FLYWCH1: variants seen among roughly 807,000 people sequenced by gnomAD.
FLYWCH1 encodes FLYWCH-type zinc finger-containing protein 1.
A neutral mutation model predicts 66.4 loss-of-function variants in FLYWCH1; 75 were observed. The ratio of observed to expected loss-of-function variants is 1.13; its 90% CI spans 0.94 to 1.37. FLYWCH1 has a LOEUF of 1.37. Ranked by LOEUF, FLYWCH1 falls within the 40% of genes most tolerant of loss-of-function variation. FLYWCH1 has a pLI of 0.00. For synonymous variants in FLYWCH1, 595 were observed against 429.9 expected (o/e 1.38, Z -4.75); for missense variants, 1,334 against 1,001.8 (o/e 1.33, Z -4.48).
At chr16:2,933,082 G>A in intron 4 of FLYWCH1, 48 bp from the exon 5 acceptor site, 1 of 1,536,522 alleles carries the variant, frequency 6.5e-7, no homozygotes, top group Non-Finnish European at 8.9e-7. Context: ...GTCCCTCCTG[G>A]GCTCCTCTCC....
chr16:2,944,377 A>G (rs887130912), intron 9 of FLYWCH1, among the ~76,000 whole-genome samples: 13 of 148,456 alleles, frequency 8.8e-5, no homozygotes, highest in African/African-American at 3.2e-4. Flanking sequence ...CTGGGTGACA[A>G]GAGTGAAACT....
At chr16:2,916,914 G>T (rs949410413) in intron 2 of FLYWCH1, among the ~76,000 whole-genome samples, 1 of 151,718 alleles carries the variant, frequency 6.6e-6, no homozygotes, top group Non-Finnish European at 1.5e-5. Context: ...GGAGGCCGAG[G>T]GGGGTGGATC....
chr16:2,933,839 T>C lies in FLYWCH1; in HGVS notation c.1373T>C (p.Met458Thr). 1 of 1,600,476 alleles carries C rather than the reference T, an allele frequency of 6.2e-7. No individual in the cohort carries two copies. The highest frequency in any genetic ancestry group is 8.5e-7 in the Non-Finnish European group (1 of 1,174,652). ...TGGACCTGCCGGGACCAGGCCCGCA[T>C]GGGCTGCCGCAGCCGCGCCATCACC... ...VYWTCRDQAR[M>T]GCRSRAITQG... is the part of the protein sequence containing the mutation. The change falls in exon 6 of 10, where the codon ATG becomes ACG. Residue 458 changes from methionine to threonine, a missense_variant. Transcript: ENST00000253928.
Position 2,930,669 on chromosome 16 carries a change from GCCAGAGGGCTTGGGAGAGCC to G in FLYWCH1, c.590_609del (p.Glu197GlyfsTer3). ...GGGAGAAACTGCCCAGCCTGGCCCT[GCCAGAGGGCTTGGGAGAGCC>G]CCAGGGTCCTGAGGGCCCTGGAGGC... On this transcript the variant is annotated frameshift_variant, in exon 4 of 10. Coordinates refer to ENST00000253928, the MANE Select transcript of FLYWCH1 (RefSeq NM_001308068.2). LOFTEE classifies it high-confidence loss of function. 6.5e-7 allele frequency: 1 copy of G among 1,545,424 alleles called. No homozygotes were observed. The highest frequency in any genetic ancestry group is 8.7e-7 in the Non-Finnish European group (1 of 1,147,142).
chr16:2,938,562 GCA>G, intron 8 of FLYWCH1, 106 bp downstream of exon 8: 1 of 1,039,050 alleles, frequency 9.6e-7, no homozygotes. Flanking sequence ...CTGCTTTTGT[GCA>G]CACACAAATT....
At chr16:2,942,768 C>T (rs2071324960) in intron 9 of FLYWCH1, among the ~76,000 whole-genome samples, 1 of 119,998 alleles carries the variant, frequency 8.3e-6, no homozygotes, top group Non-Finnish European at 1.7e-5. Flanking sequence ...ACTCTGTCGC[C>T]CAGGCTGGAG....
chr16:2,915,593 T>A (rs1401993485), intron 2 of FLYWCH1: 1 of 152,176 alleles, frequency 6.6e-6, no homozygotes, highest in Non-Finnish European at 1.5e-5. Context: ...CTAAAATCAT[T>A]AGGTTCCAGT....
intron 9 of FLYWCH1, among the ~76,000 whole-genome samples, chr16:2,944,204 T>C (rs542280341): frequency 6.6e-6 from 1 of 151,406 alleles, no homozygotes; most frequent in Non-Finnish European, 1.5e-5. Context: ...CTGGGGAACA[T>C]GGAGAAACTC....
rs1329164397 is a variant in FLYWCH1, at chr16:2,933,921, C to T, written c.1455C>T (p.Gly485=). The change falls in exon 6 of 10, where the codon GGC becomes GGT. Residue 485 remains glycine, a synonymous_variant. Transcript: ENST00000253928. ...ACTGCCACCCGCCCGACCTGGGAGG[C>T]CTGGAGGCCCTGAGGCAGCGGGAGA... ...RGHCHPPDLG[G]LEALRQREKR... is the part of the protein sequence containing the mutation. 1 of 1,570,980 alleles carries T rather than the reference C, an allele frequency of 6.4e-7. No homozygotes were observed. The highest frequency in any genetic ancestry group is 8.6e-7 in the Non-Finnish European group (1 of 1,158,406).
chr16:2,918,680 A>G (rs887673320), intron 2 of FLYWCH1, among the ~76,000 whole-genome samples: 17 of 151,946 alleles, frequency 1.1e-4, no homozygotes, highest in South Asian at 6.2e-4. Flanking sequence ...ACCTCAGGTG[A>G]TCCGCCTGCC....
intron 3 of FLYWCH1, 64 bp from the exon 4 acceptor site, chr16:2,930,344 GCT>G (rs2150947868): frequency 9.8e-7 from 1 of 1,022,798 alleles, no homozygotes; most frequent in African/African-American, 1.6e-5. Context: ...GCCCTCCCTG[GCT>G]CTCTGTGCCT....
intron 9 of FLYWCH1, among the ~76,000 whole-genome samples, chr16:2,945,385 C>T (rs886882980): frequency 2.0e-5 from 3 of 150,128 alleles, no homozygotes; most frequent in African/African-American, 7.4e-5. Context: ...ACTCGGGAGG[C>T]TGGGGTAGGA....
At chr16:2,940,126 A>G (rs1429745764) in intron 9 of FLYWCH1, 34 bp downstream of exon 9, 35 of 983,410 alleles carry the variant, frequency 3.6e-5, no homozygotes, top group Non-Finnish European at 5.5e-5. Context: ...GTGCATGACC[A>G]ATTACAACAA....
chr16:2,947,632 C>T (rs946554932), intron 9 of FLYWCH1, among the ~76,000 whole-genome samples: 5 of 151,914 alleles, frequency 3.3e-5, no homozygotes, highest in East Asian at 1.9e-4. Flanking sequence ...CGTGGTGGCA[C>T]GCACCTATAA....
intron 6 of FLYWCH1, among the ~76,000 whole-genome samples, chr16:2,934,386 G>A (rs2070908876): frequency 6.6e-6 from 1 of 152,190 alleles, no homozygotes; most frequent in Non-Finnish European, 1.5e-5. Context: ...CTTACATGCA[G>A]CCGGTTTCTC....
chr16:2,926,962 C>A (rs1187720203), intron 2 of FLYWCH1, among the ~76,000 whole-genome samples: 4 of 152,284 alleles, frequency 2.6e-5, no homozygotes, highest in Non-Finnish European at 4.4e-5. Flanking sequence ...GTCTCTATCT[C>A]GGCAATGCCA....
At position 2,936,941 on chromosome 16, in the gene FLYWCH1, A is replaced by G. The variant is rs1367055609; in HGVS notation, c.1514-180A>G. On this transcript the variant is annotated intron_variant, in intron 6 of 9. Coordinates refer to ENST00000253928, the MANE Select transcript of FLYWCH1 (RefSeq NM_001308068.2). ...ACCAGTCCCCAGCCTCAGGAGGCGG[A>G]CCCCAGCAGCTGGAGCCCCAGCAGA... 9 of 815,834 alleles carry G rather than the reference A, an allele frequency of 1.1e-5. No homozygotes were observed. In the Admixed American group the frequency reaches 1.9e-4, roughly 17 times the overall value. 50.5% of individuals were successfully genotyped at this position (815,834 alleles called of 1,614,324 possible).
At chr16:2,930,334 G>A (rs941142426) in intron 3 of FLYWCH1, 76 bp from the exon 4 acceptor site, 8 of 901,002 alleles carry the variant, frequency 8.9e-6, no homozygotes, top group Non-Finnish European at 1.3e-5. Flanking sequence ...GGATCCCCAC[G>A]CCCTCCCTGG....
chr16:2,922,247 G>C (rs2070400147), intron 2 of FLYWCH1: 1 of 153,988 alleles, frequency 6.5e-6, no homozygotes. Flanking sequence ...GTGTGTGTGT[G>C]TGTGTGTAGG....
Sources: allele counts gnomAD v4.1 joint callset (sites outside exome capture counted in the v4.1 genomes callset), GRCh38; gene constraint gnomAD v4.1.1; transcripts MANE v1.5; gene names NCBI Gene and HGNC (gene_info 2026-07-23, HGNC 2026-07-21).